CFAP20DC: variants seen among roughly 807,000 people sequenced by gnomAD.
CFAP20DC encodes CFAP20 domain containing, also known as protein CFAP20DC.
Under a neutral mutation model 101.7 loss-of-function variants are expected in CFAP20DC, and 84 were observed. The ratio of observed to expected loss-of-function variants is 0.83; its 90% CI spans 0.69 to 0.99. CFAP20DC has a LOEUF of 0.99. Ranked by LOEUF, CFAP20DC falls within the 50% of genes least tolerant of loss-of-function variation. The probability of loss-of-function intolerance (pLI) is 0.00; values close to 1 mark genes in which losing one functional copy is unlikely to be tolerated. For synonymous variants in CFAP20DC, 359 were observed against 351.2 expected (o/e 1.02, Z -0.25); for missense variants, 1,007 against 970.3 (o/e 1.04, Z -0.50).
At chr3:58,885,552 G>A (rs1188648912) in intron 6 of CFAP20DC, among the ~76,000 whole-genome samples, 3 of 150,324 alleles carry the variant, frequency 2.0e-5, no homozygotes, top group Admixed American at 2.0e-4. Context: ...CTCTTACAGT[G>A]GTATTCCTCT....
At chr3:59,048,654 G>C (rs1312200255) in intron 1 of CFAP20DC, among the ~76,000 whole-genome samples, 1 of 152,202 alleles carries the variant, frequency 6.6e-6, no homozygotes, top group Non-Finnish European at 1.5e-5. Flanking sequence ...AGAAGAAAGA[G>C]AACTGCAGAC....
In CFAP20DC at chr3:58,882,922, T is replaced by A. The variant is rs1262526337; in HGVS notation, c.715+1623A>T. On this transcript the variant is annotated intron_variant, in intron 7 of 16. Coordinates refer to ENST00000482387, the MANE Select transcript of CFAP20DC (RefSeq NM_001394063.1). The surrounding 1 kb of genome is among the most constrained non-coding windows in gnomAD (Gnocchi z 4.2). Reference sequence around the variant, plus strand: ...AAGGACTAAATAATGTACTGCTTATTTATACATAGTCATCTGCAGGATTTA... The same window carrying A: ...AAGGACTAAATAATGTACTGCTTATATATACATAGTCATCTGCAGGATTTA... Among the ~76,000 whole-genome samples the A allele has an allele frequency of 6.6e-6, 1 of 152,208 alleles. No homozygotes were observed. The highest frequency in any genetic ancestry group is 2.4e-5 in the African/African-American group (1 of 41,464).
At chr3:58,816,331 A>C (rs1218144801) in intron 14 of CFAP20DC, among the ~76,000 whole-genome samples, 1 of 152,132 alleles carries the variant, frequency 6.6e-6, no homozygotes, top group Non-Finnish European at 1.5e-5. Flanking sequence ...CAGCTCCCAG[A>C]GTGAGCGACG....
rs1003810024 is a variant in CFAP20DC at position 59,007,888 on chromosome 3, T to C, written c.278+31669A>G. Among the ~76,000 whole-genome samples, 5 of 152,176 alleles carry C rather than the reference T, an allele frequency of 3.3e-5. No homozygotes were observed. The highest frequency in any genetic ancestry group is 7.3e-5 in the Non-Finnish European group (5 of 68,028). On this transcript the variant is annotated intron_variant, in intron 4 of 16. Transcript: ENST00000482387. This position sits in a 1 kb window ranked among gnomAD's most constrained non-coding sequence, Gnocchi z 4.4. The stretch of plus-strand genomic sequence containing the variant: ...CAGCAGGACTTGGGTTTCAGATCTT[T>C]CCACTGGTAGGTAGTTTCTCATAGC...
intron 4 of CFAP20DC, among the ~76,000 whole-genome samples, chr3:59,011,028 A>G (rs1378909678): frequency 6.6e-6 from 1 of 152,240 alleles, no homozygotes; most frequent in Non-Finnish European, 1.5e-5. Flanking sequence ...ATAGTGGCAC[A>G]ACTTCTCAAA....
chr3:58,789,700 T>C (rs2072686854), intron 15 of CFAP20DC, among the ~76,000 whole-genome samples: 1 of 152,188 alleles, frequency 6.6e-6, no homozygotes, highest in Non-Finnish European at 1.5e-5. Context: ...AACACTGATA[T>C]GGGTGATAAA....
At chr3:58,974,244 C>T (rs572559295) in intron 4 of CFAP20DC, among the ~76,000 whole-genome samples, 1 of 152,198 alleles carries the variant, frequency 6.6e-6, no homozygotes, top group Non-Finnish European at 1.5e-5. Context: ...AGTTTTTCAA[C>T]CCTCGCCGTC....
At chr3:58,805,698 C>T (rs990586324) in intron 15 of CFAP20DC, among the ~76,000 whole-genome samples, 3 of 152,130 alleles carry the variant, frequency 2.0e-5, no homozygotes, top group Non-Finnish European at 4.4e-5. Flanking sequence ...TAAGGTAATA[C>T]TAATTTATAT....
intron 4 of CFAP20DC, among the ~76,000 whole-genome samples, chr3:58,973,167 T>C (rs1238394096): frequency 6.6e-6 from 1 of 152,206 alleles, no homozygotes; most frequent in Non-Finnish European, 1.5e-5. Flanking sequence ...TAACTCAATC[T>C]AGATATTCAG....
Position 58,842,576 on chromosome 3 carries a change from CGA to C in CFAP20DC, c.1971+6454_1971+6455del, listed in dbSNP as rs1288463195. ...CTGAGATCAAACTGCAAGGCGGCAG[CGA>C]GCTGGGGGAGGGGCGCCCGCCATTG... On this transcript the variant is annotated intron_variant, in intron 13 of 16. Coordinates refer to ENST00000482387, the MANE Select transcript of CFAP20DC (RefSeq NM_001394063.1). Among the ~76,000 whole-genome samples the C allele has an allele frequency of 8.2e-4, 125 of 152,174 alleles. No individual in the cohort carries two copies. In the South Asian group the frequency reaches 0.019, roughly 23 times the overall value.
chr3:59,046,998 CAACT>C (rs1699918342), intron 2 of CFAP20DC, among the ~76,000 whole-genome samples, 163 bp downstream of exon 2: 1 of 152,162 alleles, frequency 6.6e-6, no homozygotes, highest in Non-Finnish European at 1.5e-5. Flanking sequence ...AAGTCTTAGA[CAACT>C]GAAGAGTGGT....
At chr3:58,808,867 A>G (rs2074351638) in intron 14 of CFAP20DC, among the ~76,000 whole-genome samples, 1 of 152,178 alleles carries the variant, frequency 6.6e-6, no homozygotes, top group African/African-American at 2.4e-5. Context: ...AGGATGGAGG[A>G]AGATCTACCA....
chr3:58,765,682 G>GAGCTACC (rs1201389843), intron 15 of CFAP20DC, among the ~76,000 whole-genome samples: 5 of 151,932 alleles, frequency 3.3e-5, no homozygotes, highest in African/African-American at 4.8e-5. Context: ...TTACAGCATT[G>GAGCTACC]AGCTACCTGC....
chr3:59,041,372 G>A (rs193060942), intron 3 of CFAP20DC, among the ~76,000 whole-genome samples: 12 of 152,036 alleles, frequency 7.9e-5, no homozygotes, highest in East Asian at 3.9e-4. Context: ...TTTCCAAAAC[G>A]TTTCACTTCT....
intron 4 of CFAP20DC, among the ~76,000 whole-genome samples, chr3:58,962,933 C>T (rs2091258187): frequency 6.6e-6 from 1 of 151,938 alleles, no homozygotes. Flanking sequence ...CTGCTTGCCC[C>T]AACCAGGATC....
chr3:59,046,904 G>A (rs983468746), intron 2 of CFAP20DC, among the ~76,000 whole-genome samples: 1 of 152,122 alleles, frequency 6.6e-6, no homozygotes. Flanking sequence ...GACTAGGAGA[G>A]ATTTTTCTTA....
At chr3:58,917,845 A>AGAGAG (rs898242985) in intron 5 of CFAP20DC, among the ~76,000 whole-genome samples, 3 of 152,140 alleles carry the variant, frequency 2.0e-5, no homozygotes, top group African/African-American at 7.2e-5. Context: ...CCTTCTATGG[A>AGAGAG]GAGAGGAGAG....
chr3:58,810,675 T>C (rs1257973486), intron 14 of CFAP20DC, among the ~76,000 whole-genome samples: 2 of 148,274 alleles, frequency 1.3e-5, no homozygotes, highest in Non-Finnish European at 2.9e-5. Context: ...ACCACTCCTA[T>C]TCAACATAGT....
intron 6 of CFAP20DC, among the ~76,000 whole-genome samples, chr3:58,910,481 T>C (rs1489444862): frequency 6.6e-6 from 1 of 152,164 alleles, no homozygotes; most frequent in Non-Finnish European, 1.5e-5. Context: ...TTAGATATCA[T>C]TCTTATTCCC....
Sources: allele counts gnomAD v4.1 joint callset (sites outside exome capture counted in the v4.1 genomes callset), GRCh38; gene constraint gnomAD v4.1.1; non-coding constraint Gnocchi (gnomAD v3.1); transcripts MANE v1.5; gene names NCBI Gene and HGNC (gene_info 2026-07-23, HGNC 2026-07-21).